The following ERVK3-1 variants were observed in gnomAD, a reference collection of about 807,000 sequenced individuals.
The protein encoded by ERVK3-1 is HERV-K(HML6-1).
chr19:58,315,501 ATGT>A (rs1412126699), exon 4 of ERVK3-1: 3 of 152,204 alleles, frequency 2.0e-5, no homozygotes, highest in African/African-American at 7.2e-5. Context: ...GAGTTCATCC[ATGT>A]TGTAGCATGT....
chr19:58,306,239 G>T (rs146643656), intron 2 of ERVK3-1, 23 bp downstream of exon 2: 1 of 152,192 alleles, frequency 6.6e-6, no homozygotes, highest in Admixed American at 6.5e-5. Flanking sequence ...AGAAGGTATC[G>T]GGAGCGGGAG....
exon 4 of ERVK3-1, chr19:58,315,087 G>A: frequency 6.9e-6 from 2 of 291,434 alleles, no homozygotes; most frequent in Non-Finnish European, 1.3e-5. Context: ...TCAAATAGCT[G>A]ACCGACAGTT....
At chr19:58,311,656 A>G (rs2051557474) in intron 2 of ERVK3-1, 1 of 152,230 alleles carries the variant, frequency 6.6e-6, no homozygotes, top group South Asian at 2.1e-4. Flanking sequence ...ATGTTCATGT[A>G]ATATAGACAC....
downstream of ERVK3-1, among the ~76,000 whole-genome samples, chr19:58,316,020 G>C (rs776273808): frequency 6.6e-6 from 1 of 152,184 alleles, no homozygotes; most frequent in Non-Finnish European, 1.5e-5. Context: ...CTGAGGCCAA[G>C]CAATGTGGAG....
intron 2 of ERVK3-1, chr19:58,311,770 T>C (rs1219518202): frequency 6.4e-6 from 1 of 155,926 alleles, no homozygotes; most frequent in East Asian, 1.9e-4. Context: ...CCCTAAACAA[T>C]TTAAAACTGA....
downstream of ERVK3-1, among the ~76,000 whole-genome samples, chr19:58,316,664 T>C (rs536081497): frequency 6.6e-6 from 1 of 152,180 alleles, no homozygotes; most frequent in African/African-American, 2.4e-5. Context: ...AGCGAAACTC[T>C]GTCTCAAAAA....
chr19:58,309,349 A>T (rs1222846909), intron 2 of ERVK3-1: 2 of 152,244 alleles, frequency 1.3e-5, no homozygotes, highest in African/African-American at 4.8e-5. Context: ...AGGTACAAAC[A>T]ACCTCCTCAT....
intron 2 of ERVK3-1, chr19:58,309,894 G>T (rs1363092658): frequency 6.6e-6 from 1 of 152,208 alleles, no homozygotes; most frequent in Non-Finnish European, 1.5e-5. Flanking sequence ...CCTGGGAGAT[G>T]TCCACTGCAT....
intron 3 of ERVK3-1, 136 bp from the exon 4 acceptor site, chr19:58,314,612 G>T: frequency 3.0e-6 from 1 of 329,932 alleles, no homozygotes; most frequent in Non-Finnish European, 5.1e-6. Flanking sequence ...GGGTGACAGA[G>T]CGAGACTCCA....
At position 58,312,115 on chromosome 19, in the gene ERVK3-1, G is replaced by A; in HGVS notation, c.-3-51G>A. On this transcript the variant is annotated intron_variant, in intron 2 of 3. Coordinates refer to ENST00000413518, the Ensembl canonical transcript of ERVK3-1. This position sits in a 1 kb window ranked among gnomAD's most constrained non-coding sequence, Gnocchi z 4.7. ...TCCCCAGAAGAAGGACAATGGAAAG[G>A]TCCGGTGGATTTGCTGACGTGGGGA... 2.5e-6 allele frequency: 1 copy of A among 399,966 alleles called. No individual in the cohort carries two copies. The highest frequency in any genetic ancestry group is 3.6e-5 in the East Asian group (1 of 28,080). The allele number at this position is 399,966 out of a possible 1,614,324, so 24.8% of individuals were successfully genotyped here.
chr19:58,309,065 C>T (rs201659300), intron 2 of ERVK3-1: 3 of 152,166 alleles, frequency 2.0e-5, no homozygotes, highest in Admixed American at 6.5e-5. Flanking sequence ...AGCCTCAATT[C>T]GCCTTCTCTG....
chr19:58,307,907 C>T (rs7257977), intron 2 of ERVK3-1, among the ~76,000 whole-genome samples: 9,659 of 152,104 alleles, frequency 0.064, 1,040 homozygotes, highest in African/African-American at 0.22. Context: ...GAATGGGTCA[C>T]GTTAGTTGGA....
At chr19:58,311,670 C>T (rs1472102427) in intron 2 of ERVK3-1, 1 of 152,286 alleles carries the variant, frequency 6.6e-6, no homozygotes, top group African/African-American at 2.4e-5. Context: ...TAGACACTTA[C>T]TCCCATATGT....
chr19:58,313,066 G>C lies in ERVK3-1; in HGVS notation c.294+604G>C, dbSNP rs973798114. ...AGTCCCCCAGTTGGCTGCACAACTT[G>C]CTTGGTATAGGACAGGCTTTAACCC... is the stretch of plus-strand genomic sequence containing the variant. On this transcript the variant is annotated intron_variant, in intron 3 of 3. Coordinates refer to ENST00000413518, the Ensembl canonical transcript of ERVK3-1. This position sits in a 1 kb window ranked among gnomAD's most constrained non-coding sequence, Gnocchi z 4.5. 1.5e-4 allele frequency: 23 copies of C among 152,356 alleles called. No homozygotes were observed. Among genetic ancestry groups the C allele is most frequent in the African/African-American group, 5.1e-4 (21 of 41,582 alleles). 9.4% of individuals were successfully genotyped at this position (152,356 alleles called of 1,614,324 possible).
intron 2 of ERVK3-1, chr19:58,309,996 TC>T (rs2051546312): frequency 6.6e-6 from 1 of 152,162 alleles, no homozygotes; most frequent in Admixed American, 6.5e-5. Flanking sequence ...ACCCTTTTAT[TC>T]CCCCTGTGAT....
intron 3 of ERVK3-1, 134 bp from the exon 4 acceptor site, chr19:58,314,614 G>C (rs1470148868): frequency 1.9e-5 from 6 of 320,896 alleles, no homozygotes; most frequent in Non-Finnish European, 3.1e-5. Context: ...GTGACAGAGC[G>C]AGACTCCATC....
intron 2 of ERVK3-1, chr19:58,309,283 A>C (rs1348468032): frequency 1.3e-5 from 2 of 152,252 alleles, no homozygotes; most frequent in African/African-American, 2.4e-5. Context: ...TATACCAGTT[A>C]TTCAGAGAAA....
intron 2 of ERVK3-1, among the ~76,000 whole-genome samples, chr19:58,308,328 A>G (rs1351965032): frequency 6.6e-6 from 1 of 152,230 alleles, no homozygotes; most frequent in African/African-American, 2.4e-5. Flanking sequence ...AGTAATATCC[A>G]AAAACAATTG....
At position 58,312,004 on chromosome 19, in the gene ERVK3-1, C is replaced by T. The variant is rs576089084; in HGVS notation, c.-3-162C>T. 60 of 396,014 alleles carry T rather than the reference C, an allele frequency of 1.5e-4. No individual in the cohort carries two copies. The highest frequency in any genetic ancestry group is 1.2e-3 in the African/African-American group (59 of 48,678). 24.5% of individuals were successfully genotyped at this position (396,014 alleles called of 1,614,324 possible). On this transcript the variant is annotated intron_variant, in intron 2 of 3. Coordinates refer to ENST00000413518, the Ensembl canonical transcript of ERVK3-1. The surrounding 1 kb of genome is among the most constrained non-coding windows in gnomAD (Gnocchi z 4.7). The stretch of plus-strand genomic sequence containing the variant: ...TTGTTTACTTTAAATTGTTTGACTC[C>T]TGGTACGGATGGCAAGACCCCAGCA...
Sources: gnomAD v4.1 joint callset for allele counts (sites outside exome capture counted in the v4.1 genomes callset) on GRCh38, gnomAD v4.1.1 for gene constraint, Gnocchi (gnomAD v3.1) non-coding constraint, MANE v1.5 for transcripts, NCBI Gene and HGNC (gene_info 2026-07-23, HGNC 2026-07-21) for gene names.